ABCA13: variants seen among roughly 807,000 people sequenced by gnomAD.
ABCA13 encodes ATP binding cassette subfamily A member 13.
Under a neutral mutation model 478.7 loss-of-function variants are expected in ABCA13, and 476 were observed. The observed-to-expected ratio is 0.99, with a 90% CI of 0.92 to 1.07. The LOEUF (loss-of-function observed/expected upper bound fraction) is 1.07, where lower values mean the gene tolerates loss of function less well. Ranked by LOEUF, ABCA13 falls within the 50% of genes least tolerant of loss-of-function variation. The pLI is 0.00. For synonymous variants in ABCA13, 2,252 were observed against 2,158.9 expected (o/e 1.04, Z -1.20); for missense variants, 6,060 against 5,910.6 (o/e 1.03, Z -0.83).
chr7:48,352,599 A>T (rs1233100150), intron 31 of ABCA13, 112 bp downstream of exon 31: 1 of 1,255,430 alleles, frequency 8.0e-7, no homozygotes, highest in Non-Finnish European at 1.1e-6. Context: ...CTGTTAAAAA[A>T]GTTCACCCCC....
In ABCA13 at chr7:48,338,442, A is replaced by C; in HGVS notation, c.10191A>C (p.Lys3397Asn). 6.3e-7 allele frequency: 1 copy of C among 1,591,874 alleles called. No homozygotes were observed. The highest frequency in any genetic ancestry group is 1.1e-5 in the South Asian group (1 of 87,032). ...LHIDVDKLTE[K>N]LQTYGGLLDE... ...TTGATGTAGACAAACTTACTGAAAA[A>C]CTCCAGACATACGGTAAGTGTGCTG... Residue 3397 changes from lysine (K) to asparagine (N), a missense_variant, in exon 29 of 62, where the codon AAA becomes AAC. Transcript: ENST00000435803.
chr7:48,401,672 A>G (rs1162060926), intron 38 of ABCA13, among the ~76,000 whole-genome samples: 1 of 151,590 alleles, frequency 6.6e-6, no homozygotes, highest in African/African-American at 2.4e-5. Context: ...ATACACATGA[A>G]TGAAATACCC....
At position 48,275,318 on chromosome 7, in the gene ABCA13, G is replaced by C; in HGVS notation, c.5652G>C (p.Arg1884Ser). 6.2e-7 allele frequency: 1 copy of C among 1,613,950 alleles called. No individual in the cohort carries two copies. The highest frequency in any genetic ancestry group is 8.5e-7 in the Non-Finnish European group (1 of 1,179,882). The change falls in exon 17 of 62, where the codon AGG becomes AGC. Residue 1884 changes from arginine (R) to serine (S), a missense_variant. By Grantham distance (110) the Arg-to-Ser change is moderately radical. Transcript: ENST00000435803. ...AAAGCTCCCGAATGGAAATAACTAG[G>C]AAAGTGGTCTGCATAATTCATGAAT... is the stretch of plus-strand genomic sequence containing the variant. ...SNESSRMEITRKVVCIIHELV... is the reference protein window; with the variant it reads ...SNESSRMEITSKVVCIIHELV...
rs569187803 is a variant in ABCA13, at chr7:48,353,204, C to T, written c.10688+717C>T. Among the ~76,000 whole-genome samples the T allele has an allele frequency of 2.6e-4, 39 of 151,796 alleles. 1 individual carries two copies. In the South Asian group the frequency reaches 7.9e-3, roughly 31 times the overall value. Reference sequence around the variant, plus strand: ...ACAATGAACAGACTTCAAAGCTCACCAAAGCGGGGTGAGCCGTATTGCTGT... The same window carrying T: ...ACAATGAACAGACTTCAAAGCTCACTAAAGCGGGGTGAGCCGTATTGCTGT... On this transcript the variant is annotated intron_variant, in intron 31 of 61. Transcript: ENST00000435803.
rs1792178073 is a variant in ABCA13, at chr7:48,249,352, G to A, written c.2005+1G>A. The A allele has an allele frequency of 1.2e-6, 2 of 1,612,578 alleles. No homozygotes were observed. The highest frequency in any genetic ancestry group is 1.7e-6 in the Non-Finnish European group (2 of 1,179,158). ...GAGAGTTTCCAGAACAGACTATTGGGTAAGTCAGTAGCCTAAACTACAGGA... is the reference window on the plus strand; with the variant it reads ...GAGAGTTTCCAGAACAGACTATTGGATAAGTCAGTAGCCTAAACTACAGGA... On this transcript the variant is annotated splice_donor_variant, in intron 15 of 61. Coordinates refer to ENST00000435803, the MANE Select transcript of ABCA13 (RefSeq NM_152701.5). LOFTEE classifies it high-confidence loss of function.
Position 48,562,999 on chromosome 7 carries a change from A to G in ABCA13, c.14355-17225A>G, listed in dbSNP as rs1426180163. Among the ~76,000 whole-genome samples the G allele has an allele frequency of 3.3e-5, 5 of 152,040 alleles. No homozygotes were observed. In the South Asian group the frequency reaches 1.0e-3, roughly 32 times the overall value. ...GTCTGTGTATCTACATATATATATTATGTGTGTATATATATTTATATATAT... is the reference window on the plus strand; with the variant it reads ...GTCTGTGTATCTACATATATATATTGTGTGTGTATATATATTTATATATAT... On this transcript the variant is annotated intron_variant, in intron 55 of 61. Transcript: ENST00000435803.
At chr7:48,592,956 T>TC (rs1292814609) in intron 57 of ABCA13, among the ~76,000 whole-genome samples, 1 of 151,940 alleles carries the variant, frequency 6.6e-6, no homozygotes, top group Non-Finnish European at 1.5e-5. Flanking sequence ...TCTATGTGTA[T>TC]CCAAAAAAAC....
rs576959240 is a variant in ABCA13, at chr7:48,214,103, A to G, written c.288-5251A>G. Among the ~76,000 whole-genome samples, 182 of 152,292 alleles carry G rather than the reference A, an allele frequency of 1.2e-3. 1 individual carries two copies. The highest frequency in any genetic ancestry group is 4.1e-3 in the African/African-American group (170 of 41,552). The stretch of plus-strand genomic sequence containing the variant: ...TCTTGCTCCACGTGCTGCAGACTGG[A>G]TGTTTGTTAGCAGGCTTGAAAACAT... On this transcript the variant is annotated intron_variant, in intron 3 of 61. Coordinates refer to ENST00000435803, the MANE Select transcript of ABCA13 (RefSeq NM_152701.5).
intron 38 of ABCA13, among the ~76,000 whole-genome samples, chr7:48,395,425 A>G (rs1220142393): frequency 5.3e-5 from 8 of 152,232 alleles, no homozygotes; most frequent in Admixed American, 1.3e-4. Context: ...TCAGGCAAGC[A>G]CAGTGTTTTT....
chr7:48,523,146 T>C (rs1314842960), intron 53 of ABCA13, among the ~76,000 whole-genome samples: 2 of 152,322 alleles, frequency 1.3e-5, no homozygotes, highest in East Asian at 3.9e-4. Flanking sequence ...ACTGCAATCC[T>C]TATTTTTATT....
At chr7:48,226,060 A>T (rs1788161593) in intron 5 of ABCA13, among the ~76,000 whole-genome samples, 1 of 152,206 alleles carries the variant, frequency 6.6e-6, no homozygotes, top group African/African-American at 2.4e-5. Flanking sequence ...CCAAAGAGTC[A>T]TTAGAGTTGG....
At chr7:48,581,610 T>G (rs761912817) in intron 56 of ABCA13, among the ~76,000 whole-genome samples, 5 of 152,248 alleles carry the variant, frequency 3.3e-5, no homozygotes, top group Admixed American at 6.5e-5. Context: ...AACATGCTTA[T>G]GAAAAAGCTC....
At position 48,520,124 on chromosome 7, in the gene ABCA13, C is replaced by T; in HGVS notation, c.13881C>T (p.Leu4627=). ...QFCLGQGLVE[L]CYNQIKYDLT... ...GTCTTGGTCAAGGACTGGTAGAACTCTGCTATAATCAGATCAAATATGACC... is the reference window on the plus strand; with the variant it reads ...GTCTTGGTCAAGGACTGGTAGAACTTTGCTATAATCAGATCAAATATGACC... The change falls in exon 53 of 62, where the codon CTC becomes CTT. Residue 4627 remains leucine (L), a synonymous_variant. Coordinates refer to ENST00000435803, the MANE Select transcript of ABCA13 (RefSeq NM_152701.5). 1.9e-6 allele frequency: 3 copies of T among 1,613,636 alleles called. No homozygotes were observed. The highest frequency in any genetic ancestry group is 1.7e-6 in the Non-Finnish European group (2 of 1,179,734).
intron 59 of ABCA13, among the ~76,000 whole-genome samples, chr7:48,641,166 A>G (rs975888523): frequency 6.6e-6 from 1 of 152,202 alleles, no homozygotes; most frequent in Non-Finnish European, 1.5e-5. Context: ...TTAGCAAAAT[A>G]TACTTAAAGG....
In ABCA13 at chr7:48,511,202, A is replaced by T; in HGVS notation, c.13640+3A>T. 2 of 1,605,556 alleles carry T rather than the reference A, an allele frequency of 1.2e-6. No homozygotes were observed. Among genetic ancestry groups the T allele is most frequent in the Non-Finnish European group, 1.7e-6 (2 of 1,175,568 alleles). On this transcript the variant is annotated splice_donor_region_variant and intron_variant, in intron 51 of 61. Coordinates refer to ENST00000435803, the MANE Select transcript of ABCA13 (RefSeq NM_152701.5). ...GCCCTCCTGCTGTCACTTTTCGGGT[A>T]TGTGATGAGAAACGCTGCTGCAGAA...
At chr7:48,183,016 C>A (rs1372750474) in intron 1 of ABCA13, among the ~76,000 whole-genome samples, 1 of 152,116 alleles carries the variant, frequency 6.6e-6, no homozygotes, top group Non-Finnish European at 1.5e-5. Context: ...CAAAGAGACA[C>A]AATAGAATTT....
At chr7:48,374,541 G>T (rs1813157368) in intron 34 of ABCA13, 125 bp downstream of exon 34, 2 of 883,036 alleles carry the variant, frequency 2.3e-6, no homozygotes, top group South Asian at 3.5e-5. Flanking sequence ...ATGAGGTTTG[G>T]ATATTTGCTT....
intron 1 of ABCA13, among the ~76,000 whole-genome samples, chr7:48,189,637 T>C (rs1796829678): frequency 6.6e-6 from 1 of 152,228 alleles, no homozygotes; most frequent in African/African-American, 2.4e-5. Flanking sequence ...AAACTAGAGA[T>C]CGGATGTGGA....
Position 48,412,347 on chromosome 7 carries a change from G to A in ABCA13, c.12229-6G>A. 1 of 1,600,530 alleles carries A rather than the reference G, an allele frequency of 6.2e-7. No individual in the cohort carries two copies. The highest frequency in any genetic ancestry group is 8.5e-7 in the Non-Finnish European group (1 of 1,173,354). On this transcript the variant is annotated splice_region_variant and splice_polypyrimidine_tract_variant and intron_variant, in intron 40 of 61. Transcript: ENST00000435803. ...TGGCTTCTTTTTTCCTTTTTTTTATGGATAGCCTTCTGTTCTGGAGGCCCA... is the reference window on the plus strand; with the variant it reads ...TGGCTTCTTTTTTCCTTTTTTTTATAGATAGCCTTCTGTTCTGGAGGCCCA...
Sources: allele counts gnomAD v4.1 joint callset (sites outside exome capture counted in the v4.1 genomes callset), GRCh38; gene constraint gnomAD v4.1.1; transcripts MANE v1.5; gene names NCBI Gene and HGNC (gene_info 2026-07-23, HGNC 2026-07-21).